The following CDH4 variants were observed in gnomAD, a reference collection of about 807,000 sequenced individuals.
CDH4 encodes cadherin 4, also known as cadherin-4.
CDH4 carries 33 observed loss-of-function variants against 86.0 expected under a neutral mutation model. The ratio of observed to expected loss-of-function variants is 0.38; its 90% CI spans 0.29 to 0.51. CDH4 has a LOEUF of 0.51. CDH4 is among the 20% of genes least tolerant of loss of function. The pLI is 0.86. For missense variants in CDH4, 1,114 were observed against 1,307.4 expected (o/e 0.85, Z 2.28); for synonymous variants, 555 against 549.4 (o/e 1.01, Z -0.14).
At chr20:61,741,916 T>G (rs2088344047) in intron 2 of CDH4, among the ~76,000 whole-genome samples, 1 of 152,138 alleles carries the variant, frequency 6.6e-6, no homozygotes, top group South Asian at 2.1e-4. Flanking sequence ...TCCAATTGCA[T>G]TAGTTTTATT....
chr20:61,830,271 G>A (rs547663458), intron 4 of CDH4, among the ~76,000 whole-genome samples: 76 of 152,210 alleles, frequency 5.0e-4, no homozygotes, highest in Middle Eastern at 6.8e-3. Flanking sequence ...TGCGCAGCAC[G>A]GCACATCCTG....
At chr20:61,648,447 A>C (rs914596281) in intron 2 of CDH4, among the ~76,000 whole-genome samples, 1 of 152,190 alleles carries the variant, frequency 6.6e-6, no homozygotes, top group Non-Finnish European at 1.5e-5. Context: ...CCTCAGGTCC[A>C]ACCGAGCTGG....
At chr20:61,270,946 T>C (rs542685837) in intron 2 of CDH4, among the ~76,000 whole-genome samples, 2 of 152,302 alleles carry the variant, frequency 1.3e-5, no homozygotes, top group African/African-American at 4.8e-5. Context: ...CTGAGGCACA[T>C]CTTTATTGCG....
intron 2 of CDH4, among the ~76,000 whole-genome samples, chr20:61,542,214 C>A (rs1334443856): frequency 6.6e-6 from 1 of 152,174 alleles, no homozygotes; most frequent in Non-Finnish European, 1.5e-5. Flanking sequence ...CCCATCCTGA[C>A]TGATAGAGGC....
At chr20:61,714,347 C>T (rs904341686) in intron 2 of CDH4, among the ~76,000 whole-genome samples, 1 of 152,142 alleles carries the variant, frequency 6.6e-6, no homozygotes, top group Non-Finnish European at 1.5e-5. Context: ...CGCCGAGAAC[C>T]ATTGTCTATT....
chr20:61,302,149 G>A (rs1377421584), intron 2 of CDH4, among the ~76,000 whole-genome samples: 1 of 152,348 alleles, frequency 6.6e-6, no homozygotes, highest in South Asian at 2.1e-4. Flanking sequence ...GGGAGAGAGA[G>A]CATTTAGTAG....
intron 2 of CDH4, among the ~76,000 whole-genome samples, chr20:61,580,486 T>TA (rs372487416): frequency 2.2e-4 from 33 of 150,268 alleles, no homozygotes; most frequent in African/African-American, 4.2e-4. Flanking sequence ...ACCTCTACTT[T>TA]AAAAAAAAAA....
chr20:61,615,644 A>T (rs1215241815), intron 2 of CDH4, among the ~76,000 whole-genome samples: 6 of 152,190 alleles, frequency 3.9e-5, no homozygotes, highest in Non-Finnish European at 8.8e-5. Flanking sequence ...CAGTGTCTTC[A>T]AGGAAAAGCA....
At chr20:61,790,862 T>C (rs763713168) in intron 4 of CDH4, among the ~76,000 whole-genome samples, 8 of 147,550 alleles carry the variant, frequency 5.4e-5, no homozygotes, top group Non-Finnish European at 1.2e-4. Flanking sequence ...TATCCATTCA[T>C]CCATCCGTAT....
chr20:61,610,613 G>A (rs2145758625), intron 2 of CDH4, among the ~76,000 whole-genome samples: 1 of 152,260 alleles, frequency 6.6e-6, no homozygotes, highest in South Asian at 2.1e-4. Context: ...CATGTTCCCT[G>A]CAGCAGCATA....
At position 61,939,120 on chromosome 20, in the gene CDH4, G is replaced by GTTGT. The variant is rs1415504706; in HGVS notation, c.*2181_*2184dup. On this transcript the variant is annotated 3_prime_UTR_variant, in exon 16 of 16. Coordinates refer to ENST00000614565, the MANE Select transcript of CDH4 (RefSeq NM_001794.5). Reference sequence around the variant, plus strand: ...AGTGGAAGGACTGGAAATCTCTGTTGTTGTTTGGGGAAGTCCATGCTTCAG... The same window carrying GTTGT: ...AGTGGAAGGACTGGAAATCTCTGTTGTTGTTTGTTTGGGGAAGTCCATGCTTCAG... 6.6e-6 allele frequency: 1 copy of GTTGT among 152,362 alleles called. No individual in the cohort carries two copies. The highest frequency in any genetic ancestry group is 1.5e-5 in the Non-Finnish European group (1 of 68,152). The allele number at this position is 152,362 out of a possible 1,614,324, so 9.4% of individuals were successfully genotyped here. A position where few individuals can be genotyped will look rare whatever the true frequency, so the allele number is the denominator to read the frequency against.
At chr20:61,410,257 C>T (rs1430058128) in intron 2 of CDH4, among the ~76,000 whole-genome samples, 6 of 152,104 alleles carry the variant, frequency 3.9e-5, no homozygotes, top group Admixed American at 6.5e-5. Context: ...CACTCACACA[C>T]GAATCCATCC....
rs565928751 is a variant in CDH4, at chr20:61,505,502, G to A, written c.170-238061G>A. Reference sequence around the variant, plus strand: ...AATTAGCACTGCAGATGGAGGAGGCGGCACTGGGCTTTGGGACTATGCAGG... The same window carrying A: ...AATTAGCACTGCAGATGGAGGAGGCAGCACTGGGCTTTGGGACTATGCAGG... On this transcript the variant is annotated intron_variant, in intron 2 of 15. Transcript: ENST00000614565. Among the ~76,000 whole-genome samples the A allele has an allele frequency of 6.6e-5, 10 of 152,300 alleles. No individual in the cohort carries two copies. In the South Asian group the frequency reaches 1.0e-3, roughly 16 times the overall value.
intron 2 of CDH4, among the ~76,000 whole-genome samples, chr20:61,554,509 TA>T (rs2086159249): frequency 6.6e-6 from 1 of 152,192 alleles, no homozygotes; most frequent in African/African-American, 2.4e-5. Flanking sequence ...GGGAGAGCCA[TA>T]AGGAGCCTTT....
intron 2 of CDH4, among the ~76,000 whole-genome samples, chr20:61,464,790 T>C (rs2085463745): frequency 6.6e-6 from 1 of 152,148 alleles, no homozygotes; most frequent in African/African-American, 2.4e-5. Flanking sequence ...CCTGCCAGCA[T>C]CCACTGGGGG....
chr20:61,419,209 G>A (rs1018482984), intron 2 of CDH4, among the ~76,000 whole-genome samples: 6 of 152,224 alleles, frequency 3.9e-5, no homozygotes, highest in Non-Finnish European at 7.4e-5. Flanking sequence ...GAGATCACTC[G>A]TTCCCCGCAG....
chr20:61,786,295 G>A (rs1354291105), intron 4 of CDH4, among the ~76,000 whole-genome samples: 1 of 152,108 alleles, frequency 6.6e-6, no homozygotes, highest in African/African-American at 2.4e-5. Flanking sequence ...CCCCATGACC[G>A]TCTTGAGTGT....
At chr20:61,912,678 G>A (rs188932826) in intron 9 of CDH4, among the ~76,000 whole-genome samples, 54 of 152,196 alleles carry the variant, frequency 3.5e-4, no homozygotes, top group Non-Finnish European at 6.8e-4. Flanking sequence ...TTTTTTCACC[G>A]TAAAAGATAG....
chr20:61,933,007 G>A lies in CDH4; in HGVS notation c.2262G>A (p.Met754Ile), dbSNP rs780814504. ...CAGCCATGGTCCTGCTGTTTGTCAT[G>A]TGGATGAAGCGGCGAGAGAAGGAGC... ...ILLTMVLLFV[M>I]WMKRREKERH... Residue 754 changes from methionine (M) to isoleucine (I), a missense_variant, in exon 14 of 16, where the codon ATG becomes ATA. By Grantham distance (10) the Met-to-Ile change is conservative. Coordinates refer to ENST00000614565, the MANE Select transcript of CDH4 (RefSeq NM_001794.5). 6.2e-7 allele frequency: 1 copy of A among 1,613,338 alleles called. No homozygotes were observed.
Sources: gnomAD v4.1 joint callset for allele counts (sites outside exome capture counted in the v4.1 genomes callset) on GRCh38, gnomAD v4.1.1 for gene constraint, MANE v1.5 for transcripts, NCBI Gene and HGNC (gene_info 2026-07-23, HGNC 2026-07-21) for gene names.